PRSS55: variants seen among roughly 807,000 people sequenced by gnomAD.
The protein encoded by PRSS55 is probable serine protease UNQ9391/PRO34284.
A neutral mutation model predicts 23.6 loss-of-function variants in PRSS55; 41 were observed. The observed-to-expected ratio is 1.74, with a 90% confidence interval of 1.35 to 2.26. The LOEUF is 2.26. Among genes scored for constraint, PRSS55 ranks in the 30% most tolerant of loss-of-function variants. PRSS55 has a pLI of 0.00. For missense variants in PRSS55, 669 were observed against 439.1 expected (o/e 1.52, Z -4.68); for synonymous variants, 262 against 175.5 (o/e 1.49, Z -3.90).
chr8:10,532,248 G>A (rs989470013), intron 3 of PRSS55, among the ~76,000 whole-genome samples: 1 of 152,070 alleles, frequency 6.6e-6, no homozygotes, highest in Non-Finnish European at 1.5e-5. Flanking sequence ...CCTTAGTTCT[G>A]GGCTCCAGGC....
intron 4 of PRSS55, among the ~76,000 whole-genome samples, chr8:10,546,943 A>C (rs1812832611): frequency 6.6e-6 from 1 of 151,950 alleles, no homozygotes; most frequent in Non-Finnish European, 1.5e-5. Flanking sequence ...AAGCCTCTCA[A>C]AGTGCTGGGA....
Position 10,531,445 on chromosome 8 carries a change from C to G in PRSS55, c.498C>G (p.Ile166Met), listed in dbSNP as rs767639457. The G allele has an allele frequency of 1.2e-6, 2 of 1,614,220 alleles. No individual in the cohort carries two copies. Among genetic ancestry groups the G allele is most frequent in the Non-Finnish European group, 1.7e-6 (2 of 1,180,048 alleles). ...CCTTGCTGCTGCTGGCTTCGCCCAT[C>G]AAGCTCGATGACCTGAAGGTGCCCA... is the stretch of plus-strand genomic sequence containing the variant. ...DIALLLLASP[I>M]KLDDLKVPIC... The change falls in exon 3 of 5, where the codon ATC (isoleucine) becomes ATG (methionine). Residue 166 changes from isoleucine (I) to methionine (M), a missense_variant. Coordinates refer to ENST00000328655, the MANE Select transcript of PRSS55 (RefSeq NM_198464.4).
At chr8:10,530,970 A>G (rs1812232599) in intron 2 of PRSS55, among the ~76,000 whole-genome samples, 1 of 152,150 alleles carries the variant, frequency 6.6e-6, no homozygotes, top group Non-Finnish European at 1.5e-5. Flanking sequence ...ATCCGTGCCA[A>G]GTGGCTTTTT....
intron 4 of PRSS55, among the ~76,000 whole-genome samples, chr8:10,553,629 G>A (rs1343034227): frequency 1.3e-5 from 2 of 152,200 alleles, no homozygotes; most frequent in African/African-American, 4.8e-5. Context: ...TAGAATGGTG[G>A]TTATGAGACC....
At chr8:10,530,967 C>T (rs1279109343) in intron 2 of PRSS55, among the ~76,000 whole-genome samples, 2 of 152,122 alleles carry the variant, frequency 1.3e-5, no homozygotes, top group African/African-American at 4.8e-5. Flanking sequence ...TTGATCCGTG[C>T]CAAGTGGCTT....
intron 1 of PRSS55, among the ~76,000 whole-genome samples, chr8:10,527,421 G>A (rs1812068921): frequency 6.6e-6 from 1 of 152,208 alleles, no homozygotes. Context: ...TTACATTCTG[G>A]TACCAGAGTC....
intron 4 of PRSS55, chr8:10,547,288 C>T (rs1812841591): frequency 6.6e-6 from 1 of 152,382 alleles, no homozygotes. Flanking sequence ...CATCACCCCT[C>T]ACCCAAAGAC....
intron 4 of PRSS55, among the ~76,000 whole-genome samples, chr8:10,538,238 C>G (rs185367035): frequency 1.3e-5 from 2 of 152,306 alleles, no homozygotes; most frequent in East Asian, 3.9e-4. Flanking sequence ...AAGGCTTCCC[C>G]CTTCCTTCCC....
rs1374374240 is a variant in PRSS55 at position 10,537,868 on chromosome 8, G to C, written c.742-608G>C. Among the ~76,000 whole-genome samples, 5 of 152,280 alleles carry C rather than the reference G, an allele frequency of 3.3e-5. 1 individual carries two copies. Among genetic ancestry groups the C allele is most frequent in the Admixed American group, 3.3e-4 (5 of 15,302 alleles). The stretch of plus-strand genomic sequence containing the variant: ...TGTGTGAAGGTGGACGGAAGGATGT[G>C]GGGCATTTGTTTGATTTATGTAGAC... On this transcript the variant is annotated intron_variant, in intron 4 of 4. Coordinates refer to ENST00000328655, the MANE Select transcript of PRSS55 (RefSeq NM_198464.4).
intron 4 of PRSS55, among the ~76,000 whole-genome samples, chr8:10,547,102 C>T (rs1291421611): frequency 6.6e-6 from 1 of 152,208 alleles, no homozygotes; most frequent in African/African-American, 2.4e-5. Context: ...GGAGCCATGA[C>T]ATCCCCAAAC....
rs1249248696 is a variant in PRSS55 at position 10,538,788 on chromosome 8, T to A, written c.1054T>A (p.Tyr352Asn). 1 of 1,556,580 alleles carries A rather than the reference T, an allele frequency of 6.4e-7. No homozygotes were observed. The highest frequency in any genetic ancestry group is 8.7e-7 in the Non-Finnish European group (1 of 1,155,196). The change falls in exon 5 of 5, where the codon TAC becomes AAC. Residue 352 changes from tyrosine to asparagine, a missense_variant. Tyr to Asn is a moderately radical substitution (Grantham distance 143, BLOSUM62 -2). Transcript: ENST00000328655. ...LSHVLFRAIL[Y>N] ...CCATGTGTTGTTCAGAGCTATTTTG[T>A]ACTGATAATAAAATAGAGGCTATTC...
At chr8:10,533,583 G>C (rs1049185537) in intron 4 of PRSS55, among the ~76,000 whole-genome samples, 1 of 152,022 alleles carries the variant, frequency 6.6e-6, no homozygotes, top group East Asian at 1.9e-4. Context: ...ATGAATACAC[G>C]TTCTTTCTAA....
intron 4 of PRSS55, among the ~76,000 whole-genome samples, chr8:10,549,161 CATA>C (rs1328090342): frequency 1.3e-5 from 2 of 152,150 alleles, no homozygotes; most frequent in East Asian, 1.9e-4. Context: ...GTCACCTCAT[CATA>C]ATAAGTGCTA....
chr8:10,532,494 CG>C (rs1292911157), intron 3 of PRSS55, among the ~76,000 whole-genome samples: 2 of 152,066 alleles, frequency 1.3e-5, no homozygotes, highest in Non-Finnish European at 2.9e-5. Flanking sequence ...GTTTTTTCAC[CG>C]GGAGTGCAAA....
intron 4 of PRSS55, among the ~76,000 whole-genome samples, chr8:10,550,885 G>C (rs1284633790): frequency 6.6e-6 from 1 of 152,232 alleles, no homozygotes; most frequent in Non-Finnish European, 1.5e-5. Flanking sequence ...AAGCTGGAGG[G>C]AGGATTGCTT....
At position 10,535,958 on chromosome 8, in the gene PRSS55, C is replaced by T. The variant is rs190200873; in HGVS notation, c.742-2518C>T. On this transcript the variant is annotated intron_variant, in intron 4 of 4. Transcript: ENST00000328655. Reference sequence around the variant, plus strand: ...TCCCAGCACTGTGGGACGCCAAGACCGGCGGATCACGAGGTCAGGAGATCA... The same window carrying T: ...TCCCAGCACTGTGGGACGCCAAGACTGGCGGATCACGAGGTCAGGAGATCA... 1.1e-4 allele frequency among the ~76,000 whole-genome samples: 17 copies of T among 152,232 alleles called. No homozygotes were observed. The East Asian group carries it at 1.7e-3, about 16-fold the overall frequency.
chr8:10,538,879 C>A, downstream of PRSS55: 1 of 1,354,598 alleles, frequency 7.4e-7, no homozygotes, highest in Non-Finnish European at 9.9e-7. Context: ...GCTCAGGGCT[C>A]AAGGATGGAA....
chr8:10,535,130 G>A (rs1812411698), intron 4 of PRSS55, among the ~76,000 whole-genome samples: 1 of 152,126 alleles, frequency 6.6e-6, no homozygotes, highest in African/African-American at 2.4e-5. Flanking sequence ...TCATTAAAAT[G>A]GCCATACTAC....
intron 1 of PRSS55, among the ~76,000 whole-genome samples, chr8:10,528,253 C>G (rs562854932): frequency 1.3e-5 from 2 of 150,972 alleles, no homozygotes; most frequent in Non-Finnish European, 2.9e-5. Context: ...TTGCTGAGAG[C>G]AGAAGGCTCT....
Sources: gnomAD v4.1 joint callset for allele counts (sites outside exome capture counted in the v4.1 genomes callset) on GRCh38, gnomAD v4.1.1 for gene constraint, MANE v1.5 for transcripts, NCBI Gene and HGNC (gene_info 2026-07-23, HGNC 2026-07-21) for gene names.